The following SAMD12 variants were observed in gnomAD, a reference collection of about 807,000 sequenced individuals.
SAMD12 encodes the protein sterile alpha motif domain containing 12.
A neutral mutation model predicts 15.0 loss-of-function variants in SAMD12; 9 were observed. The observed-to-expected ratio is 0.60, with a 90% CI of 0.36 to 1.05. The LOEUF is 1.05. SAMD12 is among the 50% of genes least tolerant of loss of function. The probability of loss-of-function intolerance (pLI) is 0.01; values close to 1 mark genes in which losing one functional copy is unlikely to be tolerated. For missense variants in SAMD12, 230 were observed against 234.2 expected (o/e 0.98, Z 0.12); for synonymous variants, 86 against 90.1 (o/e 0.96, Z 0.25).
intron 3 of SAMD12, among the ~76,000 whole-genome samples, chr8:118,423,432 A>G (rs763209882): frequency 5.1e-4 from 78 of 152,176 alleles, no homozygotes; most frequent in Non-Finnish European, 9.8e-4. Context: ...GGCAAACAAC[A>G]TATATACACA....
intron 4 of SAMD12, among the ~76,000 whole-genome samples, chr8:118,225,691 G>A (rs1812174679): frequency 6.6e-6 from 1 of 152,204 alleles, no homozygotes; most frequent in Admixed American, 6.5e-5. Context: ...CTTCTAAAGA[G>A]CAAGTTGGGA....
chr8:118,489,877 T>C (rs918382688), intron 2 of SAMD12, among the ~76,000 whole-genome samples: 4 of 152,116 alleles, frequency 2.6e-5, no homozygotes, highest in Admixed American at 6.5e-5. Context: ...TTATTTGTTA[T>C]TACTAGGATA....
intron 2 of SAMD12, among the ~76,000 whole-genome samples, chr8:118,548,253 C>T (rs1826187450): frequency 6.6e-6 from 1 of 152,044 alleles, no homozygotes; most frequent in South Asian, 2.1e-4. Flanking sequence ...TTAAAAGATA[C>T]CCTTTTATAA....
intron 4 of SAMD12, among the ~76,000 whole-genome samples, chr8:118,249,394 T>A (rs1300015899): frequency 6.6e-6 from 1 of 152,172 alleles, no homozygotes; most frequent in Non-Finnish European, 1.5e-5. Context: ...ATGATTTCAT[T>A]CATGTGGATT....
At chr8:118,395,223 G>A (rs1820493941) in intron 3 of SAMD12, among the ~76,000 whole-genome samples, 1 of 152,130 alleles carries the variant, frequency 6.6e-6, no homozygotes, top group South Asian at 2.1e-4. Flanking sequence ...GAAATGTATG[G>A]TACATCCATG....
At chr8:118,545,429 T>G (rs1826097207) in intron 2 of SAMD12, among the ~76,000 whole-genome samples, 1 of 152,116 alleles carries the variant, frequency 6.6e-6, no homozygotes, top group Admixed American at 6.5e-5. Context: ...ATCGTGCCAT[T>G]ACACTCCAGC....
chr8:118,424,547 T>C (rs577288807), intron 3 of SAMD12, among the ~76,000 whole-genome samples: 13 of 152,228 alleles, frequency 8.5e-5, no homozygotes, highest in South Asian at 2.1e-4. Context: ...TTGCCAAGAG[T>C]ATTCTAAACA....
intron 2 of SAMD12, among the ~76,000 whole-genome samples, chr8:118,550,907 C>T (rs1449875476): frequency 6.7e-6 from 1 of 149,280 alleles, no homozygotes; most frequent in Admixed American, 6.7e-5. Context: ...GACTTTAAAC[C>T]AACAAAGATC....
chr8:118,418,012 A>C (rs1821791593), intron 3 of SAMD12, among the ~76,000 whole-genome samples: 1 of 152,142 alleles, frequency 6.6e-6, no homozygotes, highest in Non-Finnish European at 1.5e-5. Flanking sequence ...GCTGACTTCC[A>C]GTTGGCTCAT....
chr8:118,435,267 A>C (rs1822547374), intron 3 of SAMD12, among the ~76,000 whole-genome samples: 1 of 152,130 alleles, frequency 6.6e-6, no homozygotes, highest in Admixed American at 6.5e-5. Context: ...AGAGACAGAG[A>C]TATTTACCTA....
intron 2 of SAMD12, among the ~76,000 whole-genome samples, chr8:118,459,350 G>A (rs1823350015): frequency 6.6e-6 from 1 of 152,098 alleles, no homozygotes; most frequent in South Asian, 2.1e-4. Flanking sequence ...ACAGATGTGA[G>A]CCACCACACC....
intron 2 of SAMD12, among the ~76,000 whole-genome samples, chr8:118,531,103 G>C (rs1825671685): frequency 6.6e-6 from 1 of 152,202 alleles, no homozygotes; most frequent in Non-Finnish European, 1.5e-5. Flanking sequence ...ATTGATTTTT[G>C]TGTAAGGTGT....
At chr8:118,285,832 A>G (rs1365681431) in intron 4 of SAMD12, among the ~76,000 whole-genome samples, 3 of 152,232 alleles carry the variant, frequency 2.0e-5, no homozygotes, top group Admixed American at 2.0e-4. Flanking sequence ...TATAAGTACT[A>G]TAAAAGTCTG....
intron 4 of SAMD12, among the ~76,000 whole-genome samples, chr8:118,318,766 T>C (rs1472438988): frequency 6.6e-6 from 1 of 152,092 alleles, no homozygotes; most frequent in Non-Finnish European, 1.5e-5. Context: ...AAGAAGGCAC[T>C]CCTTTCTGAC....
At chr8:118,594,344 T>C (rs1337714922) in intron 1 of SAMD12, among the ~76,000 whole-genome samples, 1 of 152,128 alleles carries the variant, frequency 6.6e-6, no homozygotes, top group Non-Finnish European at 1.5e-5. Context: ...TAACCCCATT[T>C]TATGAAATTA....
intron 1 of SAMD12, among the ~76,000 whole-genome samples, chr8:118,583,572 T>G (rs924910649): frequency 1.3e-5 from 2 of 152,034 alleles, no homozygotes; most frequent in African/African-American, 4.8e-5. Flanking sequence ...CCTCCTATTC[T>G]CTTCCCCTAT....
chr8:118,340,661 T>C (rs991030989), intron 4 of SAMD12, among the ~76,000 whole-genome samples: 1 of 151,946 alleles, frequency 6.6e-6, no homozygotes, highest in African/African-American at 2.4e-5. Flanking sequence ...TCCAGCTGCT[T>C]GGGAGGCTGA....
chr8:118,306,739 G>A (rs934256062), intron 4 of SAMD12, among the ~76,000 whole-genome samples: 4 of 152,114 alleles, frequency 2.6e-5, no homozygotes, highest in African/African-American at 4.8e-5. Flanking sequence ...AATCCTAACC[G>A]ATTCAGGATC....
At chr8:118,261,237 T>A (rs1813069416) in intron 4 of SAMD12, among the ~76,000 whole-genome samples, 1 of 152,128 alleles carries the variant, frequency 6.6e-6, no homozygotes, top group Admixed American at 6.6e-5. Flanking sequence ...TTTGTCATTT[T>A]CAATTTTACA....
Sources: allele counts gnomAD v4.1 joint callset (sites outside exome capture counted in the v4.1 genomes callset), GRCh38; gene constraint gnomAD v4.1.1; transcripts MANE v1.5; gene names NCBI Gene and HGNC (gene_info 2026-07-23, HGNC 2026-07-21).